The following RPRD2 variants were observed in gnomAD, a reference collection of about 807,000 sequenced individuals.
RPRD2 encodes regulation of nuclear pre-mRNA domain-containing protein 2.
RPRD2 carries 12 observed loss-of-function variants against 104.4 expected under a neutral mutation model. The observed-to-expected ratio is 0.11, with a 90% CI of 0.07 to 0.19. The LOEUF is 0.19. Ranked by LOEUF, RPRD2 falls within the 10% of genes least tolerant of loss-of-function variation. The pLI is 1.00. For synonymous variants in RPRD2, 714 were observed against 684.9 expected (o/e 1.04, Z -0.66); for missense variants, 1,543 against 1,790.1 (o/e 0.86, Z 2.49).
At chr1:150,441,840 T>G (rs587663395) in intron 3 of RPRD2, 41 bp from the exon 4 acceptor site, 2 of 1,479,112 alleles carry the variant, frequency 1.4e-6, no homozygotes, top group African/African-American at 2.8e-5. Flanking sequence ...ACAGAACAGC[T>G]TCCCATAATG....
At chr1:150,449,743 A>ATAT (rs1390325151) in intron 7 of RPRD2, among the ~76,000 whole-genome samples, 1 of 152,166 alleles carries the variant, frequency 6.6e-6, no homozygotes, top group Non-Finnish European at 1.5e-5. Flanking sequence ...GGACTTCAAC[A>ATAT]TATGAGTCAG....
intron 2 of RPRD2, among the ~76,000 whole-genome samples, chr1:150,430,995 G>A (rs1156637916): frequency 6.6e-6 from 1 of 151,062 alleles, no homozygotes; most frequent in Non-Finnish European, 1.5e-5. Flanking sequence ...CTAAGATAAA[G>A]GAAGCAATAA....
chr1:150,364,781 C>G lies in RPRD2; in HGVS notation c.67C>G (p.Leu23Val). The G allele has an allele frequency of 6.2e-7, 1 of 1,612,298 alleles. No individual in the cohort carries two copies. The highest frequency in any genetic ancestry group is 8.5e-7 in the Non-Finnish European group (1 of 1,179,186). The change falls in exon 1 of 11, where the codon CTG (leucine) becomes GTG (valine). Residue 23 changes from leucine to valine, a missense_variant. Leu to Val is a conservative substitution (Grantham distance 32). Transcript: ENST00000369068. ...SSSSASSAGA[L>V]ESSLDRKFQS... ...CTCGTCGGCCTCTTCGGCAGGGGCT[C>G]TGGAGTCCTCGTTGGATCGAAAATT...
chr1:150,466,806 C>G (rs587730401), intron 10 of RPRD2, among the ~76,000 whole-genome samples: 1 of 152,146 alleles, frequency 6.6e-6, no homozygotes, highest in Admixed American at 6.5e-5. Context: ...CTCCAGATAC[C>G]AATGAAATCC....
chr1:150,376,690 A>G (rs587668328), intron 1 of RPRD2, among the ~76,000 whole-genome samples: 1 of 150,984 alleles, frequency 6.6e-6, no homozygotes, highest in Non-Finnish European at 1.5e-5. Context: ...TTAGTAGAGA[A>G]GGGGTTTCAC....
chr1:150,419,491 C>T (rs1376933932), intron 2 of RPRD2, among the ~76,000 whole-genome samples: 1 of 152,132 alleles, frequency 6.6e-6, no homozygotes, highest in Non-Finnish European at 1.5e-5. Context: ...CTTGAATGTA[C>T]TAAGTAAATA....
At chr1:150,443,142 G>A in intron 4 of RPRD2, 89 bp from the exon 5 acceptor site, 1 of 813,788 alleles carries the variant, frequency 1.2e-6, no homozygotes, top group Non-Finnish European at 2.0e-6. Context: ...TATGTTCAGA[G>A]TATATCTTTA....
At chr1:150,404,373 A>C (rs1352002858) in intron 1 of RPRD2, among the ~76,000 whole-genome samples, 3 of 152,058 alleles carry the variant, frequency 2.0e-5, no homozygotes, top group African/African-American at 7.2e-5. Flanking sequence ...CAGCCTCCCG[A>C]GTAGCTGGGA....
chr1:150,430,071 T>C (rs1472124765), intron 2 of RPRD2, among the ~76,000 whole-genome samples: 1 of 152,158 alleles, frequency 6.6e-6, no homozygotes, highest in Non-Finnish European at 1.5e-5. Context: ...ATCCCATAGG[T>C]TAAAAACAAA....
intron 1 of RPRD2, among the ~76,000 whole-genome samples, chr1:150,409,276 A>G (rs1176074171): frequency 1.3e-5 from 2 of 152,204 alleles, no homozygotes; most frequent in Non-Finnish European, 2.9e-5. Context: ...AACAGCCCCT[A>G]GAATACCTCA....
Position 150,475,688 on chromosome 1 carries a change from T to G in RPRD2, c.*2354T>G, listed in dbSNP as rs1209575030. 6.6e-6 allele frequency: 1 copy of G among 152,570 alleles called. No individual in the cohort carries two copies. Among genetic ancestry groups the G allele is most frequent in the Non-Finnish European group, 1.5e-5 (1 of 68,022 alleles). 9.5% of individuals were successfully genotyped at this position (152,570 alleles called of 1,614,324 possible). ...TTTAAGGAAATCTTAAAATTTACAT[T>G]TACATCAGTAAATGAAGATGACAGT... On this transcript the variant is annotated 3_prime_UTR_variant, in exon 11 of 11. Transcript: ENST00000369068.
chr1:150,369,867 A>G (rs1376784765), intron 1 of RPRD2, among the ~76,000 whole-genome samples: 1 of 150,888 alleles, frequency 6.6e-6, no homozygotes, highest in African/African-American at 2.4e-5. Context: ...TGCAACCTCC[A>G]TCTCCCGGGC....
chr1:150,431,485 T>TG (rs1665578893), intron 2 of RPRD2, among the ~76,000 whole-genome samples: 2 of 141,954 alleles, frequency 1.4e-5, no homozygotes, highest in Middle Eastern at 3.3e-3. Flanking sequence ...TTTTTTTTTT[T>TG]TTTTTTTTTT....
intron 1 of RPRD2, among the ~76,000 whole-genome samples, chr1:150,398,449 G>A (rs1412889821): frequency 6.6e-6 from 1 of 151,932 alleles, no homozygotes; most frequent in Non-Finnish European, 1.5e-5. Context: ...GCCCACCTTG[G>A]CCTCCCAAAG....
At chr1:150,466,377 CAAAAA>C (rs34200262) in intron 10 of RPRD2, among the ~76,000 whole-genome samples, 10 of 105,032 alleles carry the variant, frequency 9.5e-5, no homozygotes, top group Admixed American at 2.3e-4. Context: ...GACTCTGTCT[CAAAAA>C]AAAAAAAAAA....
At chr1:150,411,788 CAAAAAAAAAAA>C (rs71086508) in intron 1 of RPRD2, among the ~76,000 whole-genome samples, 1,437 of 70,718 alleles carry the variant, frequency 0.02, 22 homozygotes, top group African/African-American at 0.12. Context: ...TAGACTGTCT[CAAAAAAAAAAA>C]AAAAAAAAAA....
At chr1:150,420,496 A>G (rs1664688700) in intron 2 of RPRD2, among the ~76,000 whole-genome samples, 1 of 152,192 alleles carries the variant, frequency 6.6e-6, no homozygotes, top group African/African-American at 2.4e-5. Context: ...ACTATTGATC[A>G]TTATGCTGGA....
chr1:150,421,609 G>C (rs1017408747), intron 2 of RPRD2, among the ~76,000 whole-genome samples: 2 of 152,090 alleles, frequency 1.3e-5, no homozygotes, highest in African/African-American at 4.8e-5. Flanking sequence ...GATTGTATTA[G>C]TGAAACAGAA....
chr1:150,469,160 T>TAATTGA (rs1668459063), intron 10 of RPRD2, among the ~76,000 whole-genome samples: 1 of 152,202 alleles, frequency 6.6e-6, no homozygotes, highest in Non-Finnish European at 1.5e-5. Context: ...GAAGAAATGT[T>TAATTGA]AATTGAAATA....
Sources: gnomAD v4.1 joint callset for allele counts (sites outside exome capture counted in the v4.1 genomes callset) on GRCh38, gnomAD v4.1.1 for gene constraint, MANE v1.5 for transcripts, NCBI Gene and HGNC (gene_info 2026-07-23, HGNC 2026-07-21) for gene names.